CCDC66: variants seen among roughly 807,000 people sequenced by gnomAD.
The protein encoded by CCDC66 is coiled-coil domain-containing protein 66.
CCDC66 carries 133 observed loss-of-function variants against 128.3 expected under a neutral mutation model. The ratio of observed to expected loss-of-function variants is 1.04; its 90% CI spans 0.90 to 1.20. The LOEUF is 1.20. Ranked by LOEUF, CCDC66 falls within the 50% of genes most tolerant of loss-of-function variation. CCDC66 has a pLI of 0.00. For missense variants in CCDC66, 1,126 were observed against 1,075.5 expected (o/e 1.05, Z -0.66); for synonymous variants, 387 against 357.0 (o/e 1.08, Z -0.95).
At chr3:56,595,682 T>A (rs2071749696) in intron 10 of CCDC66, among the ~76,000 whole-genome samples, 1 of 152,240 alleles carries the variant, frequency 6.6e-6, no homozygotes, top group Non-Finnish European at 1.5e-5. Context: ...GTGCTACAGT[T>A]AGCACAAGAG....
At chr3:56,561,401 A>C (rs1481087432) in intron 3 of CCDC66, 9 of 373,444 alleles carry the variant, frequency 2.4e-5, no homozygotes, top group Non-Finnish European at 4.7e-5. Context: ...TAAAGTTACT[A>C]GTCTTGGACT....
In CCDC66 at chr3:56,616,004, T is replaced by G; in HGVS notation, c.1794T>G (p.Asn598Lys). ...CTGATGAAATCAGTGGTAAAATGAA[T>G]ACATATATGAATTCTACGACTTCTA... is the stretch of plus-strand genomic sequence containing the variant. The part of the protein sequence containing the change: ...HDSDEISGKM[N>K]TYMNSTTSKK... The change falls in exon 13 of 18, where the codon AAT (asparagine) becomes AAG (lysine). Residue 598 changes from asparagine to lysine, a missense_variant. Asn to Lys is a moderately conservative substitution (Grantham distance 94). Coordinates refer to ENST00000394672, the MANE Select transcript of CCDC66 (RefSeq NM_001141947.3). 1 of 1,581,960 alleles carries G rather than the reference T, an allele frequency of 6.3e-7. No individual in the cohort carries two copies. The highest frequency in any genetic ancestry group is 8.5e-7 in the Non-Finnish European group (1 of 1,169,844).
At position 56,580,476 on chromosome 3, in the gene CCDC66, C is replaced by A. The variant is rs575880665; in HGVS notation, c.936+9174C>A. ...TATGATGTTAGCTGGTTATTTTGCT[C>A]ATTAGTTGATGCAGTTTCTTCCTAG... On this transcript the variant is annotated intron_variant, in intron 7 of 17. Transcript: ENST00000394672. Among the ~76,000 whole-genome samples, 3 of 151,856 alleles carry A rather than the reference C, an allele frequency of 2.0e-5. No homozygotes were observed. The East Asian group carries it at 5.9e-4, about 30-fold the overall frequency.
chr3:56,613,697 G>C lies in CCDC66; in HGVS notation c.1513G>C (p.Glu505Gln). 6.2e-7 allele frequency: 1 copy of C among 1,614,058 alleles called. No homozygotes were observed. The highest frequency in any genetic ancestry group is 8.5e-7 in the Non-Finnish European group (1 of 1,179,964). ...EEELRLAQER[E>Q]EMQKQYEEDI... ...GGAGCTTCGCTTAGCACAGGAACGT[G>C]AAGAGATGCAGAAACAGTATGAAGA... The change falls in exon 11 of 18, where the codon GAA becomes CAA. Residue 505 changes from glutamate to glutamine, a missense_variant. Physicochemically the swap from Glu to Gln is conservative, Grantham distance 29. Transcript: ENST00000394672.
intron 2 of CCDC66, among the ~76,000 whole-genome samples, chr3:56,559,360 A>T (rs17235670): frequency 6.6e-6 from 1 of 151,846 alleles, no homozygotes; most frequent in South Asian, 2.1e-4. Context: ...TTATAGTTTT[A>T]CCTTGGAAAG....
In CCDC66 at chr3:56,583,907, G is replaced by T. The variant is rs1453340394; in HGVS notation, c.937-9063G>T. Among the ~76,000 whole-genome samples the T allele has an allele frequency of 4.7e-5, 4 of 84,980 alleles. No individual in the cohort carries two copies. In the East Asian group the frequency reaches 2.1e-3, roughly 45 times the overall value. 55.8% of individuals were successfully genotyped at this position (84,980 alleles called of 152,430 possible). A position where few individuals can be genotyped will look rare whatever the true frequency, so the allele number is the denominator to read the frequency against. ...AGGCGCCCCCCACCTCCCGGATGGG[G>T]CGGCGGCTGGGCGGGGGCTGCCCCC... On this transcript the variant is annotated intron_variant, in intron 7 of 17. Coordinates refer to ENST00000394672, the MANE Select transcript of CCDC66 (RefSeq NM_001141947.3).
intron 7 of CCDC66, among the ~76,000 whole-genome samples, chr3:56,579,957 A>G (rs1005189500): frequency 2.6e-4 from 39 of 151,662 alleles, no homozygotes; most frequent in Non-Finnish European, 4.1e-4. Flanking sequence ...CAATTCCTCG[A>G]TATCCTTGTT....
At chr3:56,608,870 T>C (rs1274308518) in intron 10 of CCDC66, among the ~76,000 whole-genome samples, 1 of 152,238 alleles carries the variant, frequency 6.6e-6, no homozygotes, top group African/African-American at 2.4e-5. Context: ...GGCCCAGTGC[T>C]CATTCAGGAG....
rs1364461103 is a variant in CCDC66 at position 56,564,111 on chromosome 3, G to A, written c.530G>A (p.Gly177Glu). 3 of 1,587,996 alleles carry A rather than the reference G, an allele frequency of 1.9e-6. No homozygotes were observed. The highest frequency in any genetic ancestry group is 1.1e-5 in the South Asian group (1 of 87,140). Residue 177 changes from glycine to glutamate, a missense_variant, in exon 4 of 18, where the codon GGA becomes GAA. Physicochemically the swap from Gly to Glu is moderately conservative, Grantham distance 98. Transcript: ENST00000394672. ...AGATCTCTTTCCCTGACTGAGAATG[G>A]AAAGGAGGCAAAAAGTAAGATTTTT... ...GNRSLSLTEN[G>E]KEAKSQYSLY...
intron 10 of CCDC66, among the ~76,000 whole-genome samples, chr3:56,602,199 A>C (rs2073290015): frequency 6.6e-6 from 1 of 151,992 alleles, no homozygotes; most frequent in Non-Finnish European, 1.5e-5. Flanking sequence ...ATTTTGTTGA[A>C]GGCTTTTTGT....
intron 6 of CCDC66, among the ~76,000 whole-genome samples, chr3:56,568,441 TATA>T (rs1216604457): frequency 1.3e-5 from 2 of 152,214 alleles, no homozygotes; most frequent in African/African-American, 4.8e-5. Context: ...AGTCGTATTT[TATA>T]ATATTTGACA....
chr3:56,566,147 A>C (rs75285999), intron 4 of CCDC66, among the ~76,000 whole-genome samples: 3,964 of 46,868 alleles, frequency 0.085, 96 homozygotes, highest in African/African-American at 0.13. Context: ...TTTTTTTGAG[A>C]CGACATCTGG....
intron 12 of CCDC66, 21 bp from the exon 13 acceptor site, chr3:56,615,901 C>CAA: frequency 1.3e-6 from 2 of 1,570,772 alleles, no homozygotes; most frequent in Non-Finnish European, 1.7e-6. Flanking sequence ...GTTGTTTTAT[C>CAA]AGGTGATTTC....
rs370510170 is a variant in CCDC66, at chr3:56,584,188, G to A, written c.937-8782G>A. Among the ~76,000 whole-genome samples the A allele has an allele frequency of 4.0e-3, 594 of 148,202 alleles. 16 individuals are homozygous for A. Among genetic ancestry groups the A allele is most frequent in the East Asian group, 0.011 (53 of 4,668 alleles). On this transcript the variant is annotated intron_variant, in intron 7 of 17. Coordinates refer to ENST00000394672, the MANE Select transcript of CCDC66 (RefSeq NM_001141947.3). ...CCACCTCCCGGGCGGGGCGGCTGCC[G>A]GGCGGAGACGCTCCTCACTTCCCAG...
At chr3:56,594,149 G>A in intron 10 of CCDC66, 121 bp downstream of exon 10, 1 of 866,196 alleles carries the variant, frequency 1.2e-6, no homozygotes. Flanking sequence ...CTGTCCAGTT[G>A]TGTCACGAAT....
chr3:56,593,796 A>G, intron 9 of CCDC66, 55 bp downstream of exon 9: 1 of 1,595,886 alleles, frequency 6.3e-7, no homozygotes, highest in African/African-American at 1.3e-5. Context: ...GTGCTTTAGT[A>G]AGACTGTTGT....
chr3:56,595,687 C>A (rs1223026346), intron 10 of CCDC66, among the ~76,000 whole-genome samples: 1 of 152,194 alleles, frequency 6.6e-6, no homozygotes, highest in East Asian at 1.9e-4. Context: ...ACAGTTAGCA[C>A]AAGAGTGCAG....
chr3:56,570,090 C>T (rs752912797), intron 6 of CCDC66: 2 of 152,266 alleles, frequency 1.3e-5, no homozygotes, highest in Non-Finnish European at 2.9e-5. Flanking sequence ...CCTGCCTTGG[C>T]CTCCCGAAGT....
chr3:56,560,513 C>A (rs2107707683), intron 3 of CCDC66, among the ~76,000 whole-genome samples: 2 of 152,268 alleles, frequency 1.3e-5, no homozygotes, highest in East Asian at 3.9e-4. Context: ...GGTGGATCAC[C>A]TGAGGTCAGG....
Sources: allele counts gnomAD v4.1 joint callset (sites outside exome capture counted in the v4.1 genomes callset), GRCh38; gene constraint gnomAD v4.1.1; transcripts MANE v1.5; gene names NCBI Gene and HGNC (gene_info 2026-07-23, HGNC 2026-07-21).